The following STK10 variants were observed in gnomAD, a reference collection of about 807,000 sequenced individuals.
The protein encoded by STK10 is serine/threonine-protein kinase 10.
STK10 carries 78 observed loss-of-function variants against 113.8 expected under a neutral mutation model. That is an observed-to-expected ratio of 0.69 (90% CI 0.57 to 0.83). The LOEUF (loss-of-function observed/expected upper bound fraction) is 0.83. Among genes scored for constraint, STK10 ranks in the 40% least tolerant of loss-of-function variants. The pLI, the probability that STK10 is intolerant of heterozygous loss-of-function variation, is 0.00. For synonymous variants in STK10, 465 were observed against 494.7 expected (o/e 0.94, Z 0.80); for missense variants, 1,109 against 1,280.1 (o/e 0.87, Z 2.04).
At chr5:172,144,624 A>G (rs1279160963) in intron 2 of STK10, among the ~76,000 whole-genome samples, 1 of 152,182 alleles carries the variant, frequency 6.6e-6, no homozygotes, top group Non-Finnish European at 1.5e-5. Context: ...ACGCTGGGCC[A>G]GGCGTGTTCC....
chr5:172,164,169 G>T (rs936666159), intron 1 of STK10, among the ~76,000 whole-genome samples: 2 of 141,710 alleles, frequency 1.4e-5, no homozygotes, highest in Non-Finnish European at 3.0e-5. Context: ...CCAAGATAGC[G>T]CCATTGCACT....
chr5:172,056,177 C>T (rs1156781188), intron 15 of STK10, among the ~76,000 whole-genome samples: 1 of 152,216 alleles, frequency 6.6e-6, no homozygotes, highest in African/African-American at 2.4e-5. Flanking sequence ...CAAAGCTCAG[C>T]ATGGGCATCA....
At chr5:172,074,597 C>G (rs1042044483) in intron 12 of STK10, among the ~76,000 whole-genome samples, 2 of 151,988 alleles carry the variant, frequency 1.3e-5, no homozygotes. Context: ...AATATAAAAC[C>G]TAAAATTGTA....
intron 16 of STK10, 98 bp from the exon 17 acceptor site, chr5:172,054,792 G>C: frequency 1.3e-6 from 2 of 1,540,284 alleles, no homozygotes; most frequent in Non-Finnish European, 8.8e-7. Context: ...CCCTCAGGGG[G>C]ACTGGTCTGT....
Position 172,090,315 on chromosome 5 carries a change from C to T in STK10, c.1602G>A (p.Val534=). 1.2e-6 allele frequency: 2 copies of T among 1,614,054 alleles called. No individual in the cohort carries two copies. Among genetic ancestry groups the T allele is most frequent in the South Asian group, 1.1e-5 (1 of 91,058 alleles). Reference sequence around the variant, plus strand: ...TGATGCTCACCTCCACACCATCCACCACAAATTTGCGTGTCCGCTTGAGGG... The same window carrying T: ...TGATGCTCACCTCCACACCATCCACTACAAATTTGCGTGTCCGCTTGAGGG... The part of the protein sequence containing the change: ...KKTLKRTRKF[V]VDGVEVSITT... The change falls in exon 10 of 19, where the codon GTG becomes GTA. Residue 534 remains valine, a synonymous_variant. Coordinates refer to ENST00000176763, the MANE Select transcript of STK10 (RefSeq NM_005990.4).
intron 2 of STK10, among the ~76,000 whole-genome samples, chr5:172,146,993 AG>A (rs1770100872): frequency 6.6e-6 from 1 of 152,230 alleles, no homozygotes; most frequent in African/African-American, 2.4e-5. Flanking sequence ...TTGCACGTCG[AG>A]GCCTCTGGAC....
chr5:172,144,464 C>A (rs1372510828), intron 2 of STK10, among the ~76,000 whole-genome samples: 3 of 152,158 alleles, frequency 2.0e-5, no homozygotes, highest in Non-Finnish European at 4.4e-5. Context: ...GAGGCAGACA[C>A]CAAAAAACGC....
rs950755982 is a variant in STK10 at position 172,187,428 on chromosome 5, G to C, written c.156+459C>G. ...CAGATGTGTCCCTAGCTCCCAACCC[G>C]TCCAAGCGCAGCCGAGTTTCTCGGT... On this transcript the variant is annotated intron_variant, in intron 1 of 18. Transcript: ENST00000176763. This position sits in a 1 kb window ranked among gnomAD's most constrained non-coding sequence, Gnocchi z 4.6. 6.6e-6 allele frequency among the ~76,000 whole-genome samples: 1 copy of C among 151,486 alleles called. No homozygotes were observed. Among genetic ancestry groups the C allele is most frequent in the African/African-American group, 2.4e-5 (1 of 41,164 alleles).
intron 7 of STK10, 61 bp downstream of exon 7, chr5:172,105,595 C>T: frequency 1.3e-6 from 2 of 1,562,500 alleles, no homozygotes; most frequent in Non-Finnish European, 1.8e-6. Context: ...GCGTCCAGGT[C>T]ACTGGTGAGT....
chr5:172,062,695 G>A (rs1201966757), intron 13 of STK10, among the ~76,000 whole-genome samples: 2 of 152,208 alleles, frequency 1.3e-5, no homozygotes, highest in Admixed American at 6.5e-5. Context: ...ACCTAGAGTA[G>A]TCAAATTCAT....
intron 2 of STK10, among the ~76,000 whole-genome samples, chr5:172,141,189 T>C (rs1769965153): frequency 6.6e-6 from 1 of 152,062 alleles, no homozygotes; most frequent in Non-Finnish European, 1.5e-5. Flanking sequence ...GGAGATCTGT[T>C]GGACAACGCT....
chr5:172,090,226 G>T lies in STK10; in HGVS notation c.1685+6C>A. 1 of 1,613,758 alleles carries T rather than the reference G, an allele frequency of 6.2e-7. No individual in the cohort carries two copies. The highest frequency in any genetic ancestry group is 8.5e-7 in the Non-Finnish European group (1 of 1,179,870). ...TACCACCATTGGTGGCCCTTCCCAG[G>T]CTTGCCTGAGAAATCTCATCTCCTC... On this transcript the variant is annotated splice_donor_region_variant and intron_variant, in intron 10 of 18. Transcript: ENST00000176763.
In STK10 at chr5:172,082,948, T is replaced by C. The variant is rs1561799813; in HGVS notation, c.1809+13A>G. 1 of 1,612,568 alleles carries C rather than the reference T, an allele frequency of 6.2e-7. No homozygotes were observed. Among genetic ancestry groups the C allele is most frequent in the East Asian group, 2.2e-5 (1 of 44,860 alleles). On this transcript the variant is annotated intron_variant, in intron 11 of 18. Coordinates refer to ENST00000176763, the MANE Select transcript of STK10 (RefSeq NM_005990.4). This position sits in a 1 kb window ranked among gnomAD's most constrained non-coding sequence, Gnocchi z 4.3. ...AAGAAGCCCTGCAGGGTCCCATCTT[T>C]TCTCGCACTCACGTTGATTTCCTGT...
At chr5:172,183,168 C>T (rs766218599) in intron 1 of STK10, among the ~76,000 whole-genome samples, 71 of 152,312 alleles carry the variant, frequency 4.7e-4, no homozygotes, top group Middle Eastern at 6.8e-3. Context: ...GATGGTGCCA[C>T]TGCACTCCAG....
At chr5:172,069,481 A>T (rs1472522763) in intron 12 of STK10, among the ~76,000 whole-genome samples, 1 of 152,206 alleles carries the variant, frequency 6.6e-6, no homozygotes, top group Non-Finnish European at 1.5e-5. Context: ...CAGTTCACTA[A>T]GAAAATATGA....
rs572969756 is a variant in STK10, at chr5:172,059,910, T to TA, written c.2212+1228dup. ...CACCAGGGTAGGCCCGGCTTCCTGA[T>TA]ATTGTCATCCAAGGCCCAGCTCTAT... On this transcript the variant is annotated intron_variant, in intron 14 of 18. Transcript: ENST00000176763. Among the ~76,000 whole-genome samples the TA allele has an allele frequency of 4.6e-4, 70 of 152,324 alleles. No individual in the cohort carries two copies. In the East Asian group the frequency reaches 0.012, roughly 25 times the overall value.
intron 10 of STK10, among the ~76,000 whole-genome samples, chr5:172,088,386 T>C (rs1768617970): frequency 6.6e-6 from 1 of 152,042 alleles, no homozygotes; most frequent in South Asian, 2.1e-4. Flanking sequence ...TAGCCGGGCA[T>C]GGTGGCGGGC....
At chr5:172,156,436 T>C (rs1254895664) in intron 2 of STK10, among the ~76,000 whole-genome samples, 188 bp downstream of exon 2, 1 of 152,188 alleles carries the variant, frequency 6.6e-6, no homozygotes, top group East Asian at 1.9e-4. Context: ...CTAGTTCTAC[T>C]CCCAAGGGGG....
intron 1 of STK10, among the ~76,000 whole-genome samples, chr5:172,183,984 C>G (rs1479031690): frequency 6.6e-6 from 1 of 152,142 alleles, no homozygotes; most frequent in Non-Finnish European, 1.5e-5. Flanking sequence ...CTCAGGAAAT[C>G]TGGAGTCAGA....
Sources: gnomAD v4.1 joint callset for allele counts (sites outside exome capture counted in the v4.1 genomes callset) on GRCh38, gnomAD v4.1.1 for gene constraint, Gnocchi (gnomAD v3.1) non-coding constraint, MANE v1.5 for transcripts, NCBI Gene and HGNC (gene_info 2026-07-23, HGNC 2026-07-21) for gene names.